CNTNAP2: variants seen among roughly 807,000 people sequenced by gnomAD.
CNTNAP2 encodes the protein contactin-associated protein-like 2.
In CNTNAP2, 98 loss-of-function variants were observed where a neutral mutation model predicts 155.2. The ratio of observed to expected loss-of-function variants is 0.63; its 90% CI spans 0.54 to 0.75. CNTNAP2 has a LOEUF of 0.75. Among genes scored for constraint, CNTNAP2 ranks in the 30% least tolerant of loss-of-function variants. The pLI, the probability that CNTNAP2 is intolerant of heterozygous loss-of-function variation, is 0.00. For missense variants in CNTNAP2, 1,727 were observed against 1,688.1 expected, an observed-to-expected ratio of 1.02 and a Z score of -0.40; for synonymous variants, 651 against 631.2, an observed-to-expected ratio of 1.03 and a Z score of -0.47.
intron 1 of CNTNAP2, among the ~76,000 whole-genome samples, chr7:146,730,604 A>C (rs1801508799): frequency 6.6e-6 from 1 of 152,118 alleles, no homozygotes; most frequent in Admixed American, 6.6e-5. Context: ...TTAATATGTA[A>C]ATATGCCCCA....
chr7:147,814,684 G>A (rs147815113), intron 13 of CNTNAP2, among the ~76,000 whole-genome samples: 10 of 152,228 alleles, frequency 6.6e-5, no homozygotes, highest in African/African-American at 2.2e-4. Context: ...TCATCACCAT[G>A]TAAAATGCAT....
chr7:146,173,945 G>A (rs1258364652), intron 1 of CNTNAP2, among the ~76,000 whole-genome samples: 1 of 152,068 alleles, frequency 6.6e-6, no homozygotes, highest in East Asian at 1.9e-4. Flanking sequence ...TGTGGCTCAA[G>A]CCTGAAATCT....
chr7:147,180,412 T>A (rs528057663), intron 8 of CNTNAP2, among the ~76,000 whole-genome samples: 1 of 152,308 alleles, frequency 6.6e-6, no homozygotes, highest in South Asian at 2.1e-4. Flanking sequence ...CATTTTGTTA[T>A]TAGATACCAG....
intron 1 of CNTNAP2, among the ~76,000 whole-genome samples, chr7:146,374,472 A>G (rs1000430827): frequency 1.3e-4 from 20 of 152,238 alleles, no homozygotes; most frequent in African/African-American, 4.8e-4. Context: ...GATATTCACA[A>G]GAGGCCACAT....
chr7:147,605,060 G>T (rs534321702), intron 12 of CNTNAP2, among the ~76,000 whole-genome samples: 1 of 144,844 alleles, frequency 6.9e-6, no homozygotes, highest in Non-Finnish European at 1.5e-5. Context: ...TATTTCAAGT[G>T]ATTTGTCCAA....
chr7:147,495,991 T>C (rs1798700897), intron 11 of CNTNAP2, among the ~76,000 whole-genome samples: 1 of 152,164 alleles, frequency 6.6e-6, no homozygotes, highest in South Asian at 2.1e-4. Context: ...GAACTGTGCA[T>C]GCGAGGGATG....
chr7:148,239,213 CAGA>C (rs1295770881), intron 20 of CNTNAP2, among the ~76,000 whole-genome samples: 1 of 152,190 alleles, frequency 6.6e-6, no homozygotes, highest in African/African-American at 2.4e-5. Context: ...TCTTCCCTTC[CAGA>C]AGAACTTTTA....
chr7:147,118,166 T>C (rs1280369275), intron 5 of CNTNAP2, among the ~76,000 whole-genome samples: 6 of 152,120 alleles, frequency 3.9e-5, no homozygotes, highest in Non-Finnish European at 7.4e-5. Context: ...AAGTGATACT[T>C]TCAGTGTTGG....
chr7:146,507,626 G>A (rs76783942), intron 1 of CNTNAP2, among the ~76,000 whole-genome samples: 14 of 152,184 alleles, frequency 9.2e-5, no homozygotes, highest in South Asian at 2.1e-4. Flanking sequence ...CTGGTATGGC[G>A]TTCGTCTTAC....
chr7:146,748,367 G>A (rs772253899), intron 1 of CNTNAP2, among the ~76,000 whole-genome samples: 2 of 151,950 alleles, frequency 1.3e-5, no homozygotes, highest in African/African-American at 4.8e-5. Flanking sequence ...GGATGGTCTG[G>A]ATCTCCTGAC....
In CNTNAP2 at chr7:147,301,590, C is replaced by CTG. The variant is rs1468341285; in HGVS notation, c.1498+1301_1498+1302insGT. Among the ~76,000 whole-genome samples the CTG allele has an allele frequency of 2.2e-4, 25 of 111,630 alleles. No individual in the cohort carries two copies. In the East Asian group the frequency reaches 5.4e-3, roughly 24 times the overall value. The allele number at this position is 111,630 out of a possible 152,430, so 73.2% of individuals were successfully genotyped here. A position where few individuals can be genotyped will look rare whatever the true frequency, so the allele number is the denominator to read the frequency against. On this transcript the variant is annotated intron_variant, in intron 9 of 23. Coordinates refer to ENST00000361727, the MANE Select transcript of CNTNAP2 (RefSeq NM_014141.6). ...GTTATATAGCTCTCTCTCTCTCTCT[C>CTG]TCTGTGTGTGTGTGTGTGTGTGTGT...
chr7:147,443,046 C>A (rs964242579), intron 10 of CNTNAP2, among the ~76,000 whole-genome samples: 1 of 152,124 alleles, frequency 6.6e-6, no homozygotes, highest in Non-Finnish European at 1.5e-5. Flanking sequence ...CCCACCCTCA[C>A]CCCCAGTCAG....
chr7:147,471,864 T>G (rs1393566435), intron 10 of CNTNAP2, among the ~76,000 whole-genome samples: 1 of 152,120 alleles, frequency 6.6e-6, no homozygotes, highest in Non-Finnish European at 1.5e-5. Context: ...CAACAAATGG[T>G]AATGTAGATG....
chr7:146,911,609 G>T (rs1433119039), intron 3 of CNTNAP2, among the ~76,000 whole-genome samples: 1 of 138,996 alleles, frequency 7.2e-6, no homozygotes, highest in African/African-American at 2.7e-5. Context: ...TGAACAATGA[G>T]ATCACATGGA....
At chr7:146,422,652 A>C (rs1052568664) in intron 1 of CNTNAP2, among the ~76,000 whole-genome samples, 5 of 151,994 alleles carry the variant, frequency 3.3e-5, no homozygotes, top group African/African-American at 1.2e-4. Flanking sequence ...TAAATTAACT[A>C]ATTTATTGAT....
At chr7:147,636,523 C>G (rs948889362) in intron 12 of CNTNAP2, among the ~76,000 whole-genome samples, 16 of 152,034 alleles carry the variant, frequency 1.1e-4, no homozygotes, top group Non-Finnish European at 1.8e-4. Context: ...TTTGCCGCAC[C>G]TATCAACCTG....
intron 10 of CNTNAP2, among the ~76,000 whole-genome samples, chr7:147,403,541 T>G (rs559862491): frequency 1.3e-5 from 2 of 152,322 alleles, no homozygotes; most frequent in South Asian, 4.1e-4. Flanking sequence ...TGGGACTGAA[T>G]GCTGAGGTGA....
chr7:146,381,456 G>A (rs1178699147), intron 1 of CNTNAP2, among the ~76,000 whole-genome samples: 2 of 152,224 alleles, frequency 1.3e-5, no homozygotes, highest in East Asian at 3.9e-4. Context: ...TGAGACCTTG[G>A]GGAGGTCATT....
chr7:146,822,720 T>C (rs1366858630), intron 2 of CNTNAP2, among the ~76,000 whole-genome samples: 1 of 147,010 alleles, frequency 6.8e-6, no homozygotes, highest in Non-Finnish European at 1.5e-5. Context: ...TACACTTAAA[T>C]ATATATACTT....
Sources: allele counts gnomAD v4.1 joint callset (sites outside exome capture counted in the v4.1 genomes callset), GRCh38; gene constraint gnomAD v4.1.1; transcripts MANE v1.5; gene names NCBI Gene and HGNC (gene_info 2026-07-23, HGNC 2026-07-21).